ABL2: variants seen among roughly 807,000 people sequenced by gnomAD.
ABL2 encodes the protein ABL proto-oncogene 2, non-receptor tyrosine kinase.
A neutral mutation model predicts 107.7 loss-of-function variants in ABL2; 49 were observed. That is an observed-to-expected ratio of 0.45 (90% CI 0.36 to 0.58). The LOEUF is 0.58. Among genes scored for constraint, ABL2 ranks in the 20% least tolerant of loss-of-function variants. The probability of loss-of-function intolerance (pLI) is 0.00; values close to 1 mark genes in which losing one functional copy is unlikely to be tolerated. For missense variants in ABL2, 1,245 were observed against 1,457.0 expected, an observed-to-expected ratio of 0.85 and a Z score of 2.37; for synonymous variants, 549 against 548.6, an observed-to-expected ratio of 1.00 and a Z score of -0.01.
At chr1:179,119,030 T>C (rs1654926234) in intron 6 of ABL2, among the ~76,000 whole-genome samples, 1 of 152,180 alleles carries the variant, frequency 6.6e-6, no homozygotes, top group Admixed American at 6.5e-5. Context: ...CCTGTATTAA[T>C]TCTATAAGGG....
intron 1 of ABL2, among the ~76,000 whole-genome samples, chr1:179,213,461 G>T (rs967788909): frequency 6.6e-6 from 1 of 151,420 alleles, no homozygotes; most frequent in African/African-American, 2.4e-5. Context: ...GAGCCACCGT[G>T]CCCAGCCTAT....
chr1:179,149,173 C>A (rs1057078389), intron 1 of ABL2, among the ~76,000 whole-genome samples: 2 of 152,194 alleles, frequency 1.3e-5, no homozygotes, highest in Non-Finnish European at 1.5e-5. Flanking sequence ...GAAACAACAG[C>A]CTTACTGCTG....
At position 179,120,191 on chromosome 1, in the gene ABL2, T is replaced by C. The variant is rs1260417357; in HGVS notation, c.1044A>G (p.Leu348=). ...EIKHPNLVQL[L]GVCTLEPPFY... is the part of the protein sequence containing the mutation. ...TATGGTTCAGGCAAGGTTCCTCACC[T>C]AAAAGTTGTACCAGATTAGGATGCT... Residue 348 remains leucine (L), a splice_region_variant and synonymous_variant, in exon 6 of 12, where the codon TTA becomes TTG. Coordinates refer to ENST00000502732, the MANE Select transcript of ABL2 (RefSeq NM_007314.4). 4 of 1,596,724 alleles carry C rather than the reference T, an allele frequency of 2.5e-6. No individual in the cohort carries two copies. The highest frequency in any genetic ancestry group is 3.4e-6 in the Non-Finnish European group (4 of 1,170,198).
At chr1:179,195,686 A>C (rs1571295321) in intron 1 of ABL2, among the ~76,000 whole-genome samples, 1 of 152,208 alleles carries the variant, frequency 6.6e-6, no homozygotes, top group Non-Finnish European at 1.5e-5. Context: ...ACACCATTAA[A>C]TATCATTCAG....
At chr1:179,225,086 C>G (rs897478553) in intron 1 of ABL2, among the ~76,000 whole-genome samples, 1 of 152,142 alleles carries the variant, frequency 6.6e-6, no homozygotes, top group Non-Finnish European at 1.5e-5. Context: ...AAAAGTCACA[C>G]AGCACTCACT....
intron 1 of ABL2, among the ~76,000 whole-genome samples, chr1:179,135,726 G>A (rs1656856184): frequency 6.8e-6 from 1 of 146,250 alleles, no homozygotes; most frequent in Non-Finnish European, 1.5e-5. Context: ...CCCCTACTGG[G>A]AAGTGAGGAG....
intron 1 of ABL2, among the ~76,000 whole-genome samples, chr1:179,190,415 A>G (rs1042344120): frequency 6.6e-6 from 1 of 152,228 alleles, no homozygotes; most frequent in East Asian, 1.9e-4. Flanking sequence ...GTGGGAGAAG[A>G]GGGGCTGAGC....
At chr1:179,124,464 CTT>C (rs562899587) in intron 4 of ABL2, among the ~76,000 whole-genome samples, 3 of 83,352 alleles carry the variant, frequency 3.6e-5, no homozygotes, top group African/African-American at 1.6e-4. Flanking sequence ...TTAGCTTCTG[CTT>C]TTTTTTTTTT....
Position 179,108,897 on chromosome 1 carries a change from C to T in ABL2, c.2370G>A (p.Gly790=), listed in dbSNP as rs1339497818. 2.5e-6 allele frequency: 4 copies of T among 1,614,048 alleles called. No individual in the cohort carries two copies. Among genetic ancestry groups the T allele is most frequent in the African/African-American group, 1.3e-5 (1 of 74,922 alleles). The change falls in exon 12 of 12, where the codon GGG becomes GGA. Residue 790 remains glycine (G), a synonymous_variant. Coordinates refer to ENST00000502732, the MANE Select transcript of ABL2 (RefSeq NM_007314.4). ...TTGCCATCCTATCCTGCTCTGGAAG[C>T]CCTGAGGACATGGAAGATGTAGAGT... ...RSNSTSSMSS[G]LPEQDRMAMT... is the part of the protein sequence containing the mutation.
chr1:179,202,482 A>G (rs1204251868), intron 1 of ABL2, among the ~76,000 whole-genome samples: 1 of 152,350 alleles, frequency 6.6e-6, no homozygotes, highest in East Asian at 1.9e-4. Context: ...ACATAAAAAA[A>G]TTAACATCAC....
chr1:179,205,691 G>A (rs1661933068), intron 1 of ABL2, among the ~76,000 whole-genome samples: 1 of 152,182 alleles, frequency 6.6e-6, no homozygotes, highest in Non-Finnish European at 1.5e-5. Flanking sequence ...AACTTTGGAT[G>A]TGTTAATCCA....
intron 1 of ABL2, among the ~76,000 whole-genome samples, chr1:179,189,162 T>C (rs982621559): frequency 6.6e-6 from 1 of 152,100 alleles, no homozygotes; most frequent in Non-Finnish European, 1.5e-5. Flanking sequence ...TGAGACAGAG[T>C]TTCACTCTTG....
At chr1:179,217,751 T>C (rs1662651207) in intron 1 of ABL2, among the ~76,000 whole-genome samples, 1 of 152,114 alleles carries the variant, frequency 6.6e-6, no homozygotes, top group East Asian at 1.9e-4. Flanking sequence ...TAGACCATCA[T>C]ATATATCTAA....
Position 179,108,403 on chromosome 1 carries a change from C to A in ABL2, c.2864G>T (p.Gly955Val), listed in dbSNP as rs1653676722. The A allele has an allele frequency of 6.2e-7, 1 of 1,614,092 alleles. No homozygotes were observed. Among genetic ancestry groups the A allele is most frequent in the African/African-American group, 1.3e-5 (1 of 74,928 alleles). The change falls in exon 12 of 12, where the codon GGG becomes GTG. Residue 955 changes from glycine to valine, a missense_variant. Physicochemically the swap from Gly to Val is moderately radical, Grantham distance 109 (BLOSUM62 -3). This residue lies in a region of ABL2 where 761 missense variants were observed against 766.4 expected (regional missense o/e 0.99). Coordinates refer to ENST00000502732, the MANE Select transcript of ABL2 (RefSeq NM_007314.4). ...DVQLIGTDSQ[G>V]NKFKLLSEHQ... ...CTCAGATAAGAGCTTGAATTTATTC[C>A]CCTGAGAGTCTGTGCCAATGAGCTG...
intron 1 of ABL2, among the ~76,000 whole-genome samples, chr1:179,216,595 T>C (rs984770914): frequency 9.9e-5 from 15 of 152,156 alleles, no homozygotes; most frequent in African/African-American, 3.6e-4. Flanking sequence ...AAATAGAAAA[T>C]GCTCTGGAGT....
At chr1:179,171,008 T>C (rs1432892688) in intron 1 of ABL2, among the ~76,000 whole-genome samples, 1 of 152,196 alleles carries the variant, frequency 6.6e-6, no homozygotes. Context: ...CTGGCAATAA[T>C]ACCTTTCTTA....
At chr1:179,134,475 T>C (rs1170181759) in intron 1 of ABL2, among the ~76,000 whole-genome samples, 2 of 152,148 alleles carry the variant, frequency 1.3e-5, no homozygotes, top group East Asian at 3.9e-4. Context: ...GGGATGGCGT[T>C]TGCCTTCCAC....
intron 1 of ABL2, among the ~76,000 whole-genome samples, chr1:179,215,694 CAA>C (rs879696561): frequency 3.2e-5 from 4 of 123,098 alleles, no homozygotes; most frequent in Non-Finnish European, 3.5e-5. Flanking sequence ...GACTCTGCCT[CAA>C]AAAAAAAAAA....
At chr1:179,179,472 T>G (rs2102794258) in intron 1 of ABL2, among the ~76,000 whole-genome samples, 1 of 151,850 alleles carries the variant, frequency 6.6e-6, no homozygotes. Context: ...TTTTTTTTTG[T>G]AATAGAAAGT....
Sources: gnomAD v4.1 joint callset for allele counts (sites outside exome capture counted in the v4.1 genomes callset) on GRCh38, gnomAD v4.1.1 for gene constraint, gnomAD v4.1.1 regional missense constraint, MANE v1.5 for transcripts, NCBI Gene and HGNC (gene_info 2026-07-23, HGNC 2026-07-21) for gene names.